FANK1: variants seen among roughly 807,000 people sequenced by gnomAD.
The protein encoded by FANK1 is fibronectin type 3 and ankyrin repeat domains protein 1.
Under a neutral mutation model 45.3 loss-of-function variants are expected in FANK1, and 44 were observed. The ratio of observed to expected loss-of-function variants is 0.97; its 90% CI spans 0.76 to 1.25. The LOEUF (loss-of-function observed/expected upper bound fraction) is 1.25. Ranked by LOEUF, FANK1 falls within the 50% of genes most tolerant of loss-of-function variation. FANK1 has a pLI of 0.00. For synonymous variants in FANK1, 149 were observed against 152.5 expected (o/e 0.98, Z 0.17); for missense variants, 391 against 424.4 (o/e 0.92, Z 0.69).
chr10:125,919,121 T>C (rs1239262621), intron 1 of FANK1, among the ~76,000 whole-genome samples: 2 of 151,458 alleles, frequency 1.3e-5, no homozygotes, highest in Admixed American at 1.3e-4. Context: ...AGCTAACTGC[T>C]AATGCATTGG....
chr10:125,939,478 A>T (rs910969588), intron 1 of FANK1, among the ~76,000 whole-genome samples: 2 of 152,244 alleles, frequency 1.3e-5, no homozygotes, highest in African/African-American at 4.8e-5. Context: ...AAGTGTACAC[A>T]TATCAGAATA....
chr10:125,961,066 A>T (rs1949894230), intron 1 of FANK1, among the ~76,000 whole-genome samples: 1 of 152,204 alleles, frequency 6.6e-6, no homozygotes, highest in Non-Finnish European at 1.5e-5. Flanking sequence ...AGAATAGACC[A>T]CACAGAAAGT....
At position 125,983,692 on chromosome 10, in the gene FANK1, G is replaced by C. The variant is rs1013765225; in HGVS notation, c.191+3354G>C. Among the ~76,000 whole-genome samples, 1 of 152,200 alleles carries C rather than the reference G, an allele frequency of 6.6e-6. No individual in the cohort carries two copies. The highest frequency in any genetic ancestry group is 2.4e-5 in the African/African-American group (1 of 41,438). Reference sequence around the variant, plus strand: ...CTGGTCCCAGGAGCATTGAGGAACAGAGGGAACAAGGAGGAAAATAATGGG... The same window carrying C: ...CTGGTCCCAGGAGCATTGAGGAACACAGGGAACAAGGAGGAAAATAATGGG... On this transcript the variant is annotated intron_variant, in intron 2 of 10. Coordinates refer to ENST00000368693, the MANE Select transcript of FANK1 (RefSeq NM_145235.5). This position sits in a 1 kb window ranked among gnomAD's most constrained non-coding sequence, Gnocchi z 4.3.
At chr10:125,982,399 C>G (rs1368969820) in intron 2 of FANK1, among the ~76,000 whole-genome samples, 2 of 152,240 alleles carry the variant, frequency 1.3e-5, no homozygotes, top group Non-Finnish European at 2.9e-5. Flanking sequence ...ACTCTGACGA[C>G]AGCCTGGCAT....
chr10:125,978,912 C>T (rs1000880379), intron 1 of FANK1, among the ~76,000 whole-genome samples: 4 of 152,214 alleles, frequency 2.6e-5, no homozygotes, highest in Non-Finnish European at 4.4e-5. Context: ...GCCAGAGCTA[C>T]GGCTACTTTT....
At chr10:125,965,415 A>G (rs1402093458) in intron 1 of FANK1, among the ~76,000 whole-genome samples, 1 of 152,202 alleles carries the variant, frequency 6.6e-6, no homozygotes, top group Non-Finnish European at 1.5e-5. Context: ...TGTCTAAAGA[A>G]TATATATATA....
chr10:126,006,167 G>T (rs1393613319), intron 7 of FANK1, among the ~76,000 whole-genome samples: 1 of 152,174 alleles, frequency 6.6e-6, no homozygotes, highest in African/African-American at 2.4e-5. Context: ...CGATGACCTG[G>T]AAAATCAACT....
chr10:125,957,586 A>G (rs1949660998), intron 1 of FANK1, among the ~76,000 whole-genome samples: 1 of 151,824 alleles, frequency 6.6e-6, no homozygotes, highest in Non-Finnish European at 1.5e-5. Flanking sequence ...GTGTGCTGGC[A>G]TGATCTCCAC....
chr10:125,985,913 G>C (rs1272579858), intron 2 of FANK1, among the ~76,000 whole-genome samples: 1 of 152,090 alleles, frequency 6.6e-6, no homozygotes, highest in African/African-American at 2.4e-5. Flanking sequence ...TTACTAGGTG[G>C]CCTCTTTCTC....
intron 1 of FANK1, among the ~76,000 whole-genome samples, chr10:125,915,018 C>CAGTGTGTA (rs1340865356): frequency 6.6e-6 from 1 of 152,136 alleles, no homozygotes; most frequent in African/African-American, 2.4e-5. Flanking sequence ...ACTCCTATTC[C>CAGTGTGTA]TTGAGGCTGG....
intron 6 of FANK1, chr10:126,004,205 A>G (rs1000956131): frequency 6.6e-6 from 1 of 150,872 alleles, no homozygotes; most frequent in Non-Finnish European, 1.5e-5. Flanking sequence ...TTTAAATACC[A>G]ATTTTTAGAG....
At chr10:125,989,334 A>G (rs1410845225) in intron 3 of FANK1, 3 of 1,551,208 alleles carry the variant, frequency 1.9e-6, no homozygotes, top group Admixed American at 2.0e-5. Flanking sequence ...AGTGTTCTCC[A>G]CGGCCCACCC....
intron 1 of FANK1, among the ~76,000 whole-genome samples, chr10:125,912,443 A>AGT (rs60956003): frequency 0.013 from 1,906 of 147,220 alleles, 18 homozygotes; most frequent in Middle Eastern, 0.017. Flanking sequence ...GCACCACCAA[A>AGT]GTGTGTGTGT....
intron 1 of FANK1, among the ~76,000 whole-genome samples, chr10:125,921,682 G>A (rs1236436671): frequency 6.6e-6 from 1 of 152,040 alleles, no homozygotes; most frequent in East Asian, 1.9e-4. Flanking sequence ...AGTTTTGGTA[G>A]TCTGTCTTTC....
At position 125,999,470 on chromosome 10, in the gene FANK1, C is replaced by T. The variant is rs73372516; in HGVS notation, c.539+1985C>T. Among the ~76,000 whole-genome samples the T allele has an allele frequency of 7.4e-3, 1,127 of 152,290 alleles. 14 individuals are homozygous for T. Among genetic ancestry groups the T allele is most frequent in the African/African-American group, 0.023 (967 of 41,562 alleles). ...GTGAAGGTTACTTTCAGCCTTTGAA[C>T]AGTGTATGGCACATGGGAGGCAGGA... On this transcript the variant is annotated intron_variant, in intron 6 of 10. Coordinates refer to ENST00000368693, the MANE Select transcript of FANK1 (RefSeq NM_145235.5).
intron 1 of FANK1, among the ~76,000 whole-genome samples, chr10:125,931,877 T>C (rs1341005866): frequency 1.3e-5 from 2 of 152,188 alleles, no homozygotes; most frequent in African/African-American, 4.8e-5. Flanking sequence ...TTGAGTTGAT[T>C]TTTGTATAAG....
chr10:125,978,962 G>A (rs1489489766), intron 1 of FANK1, among the ~76,000 whole-genome samples: 3 of 152,338 alleles, frequency 2.0e-5, no homozygotes, highest in East Asian at 3.9e-4. Context: ...GGGTCTCCAC[G>A]CGTGCCTGAG....
chr10:126,000,576 A>T (rs1265022703), intron 6 of FANK1, among the ~76,000 whole-genome samples: 1 of 152,190 alleles, frequency 6.6e-6, no homozygotes, highest in East Asian at 1.9e-4. Context: ...TAAATTCCAG[A>T]TGAATTAAGA....
chr10:125,917,011 CCT>C (rs1200834814), intron 1 of FANK1, among the ~76,000 whole-genome samples: 4 of 151,984 alleles, frequency 2.6e-5, no homozygotes, highest in African/African-American at 9.7e-5. Flanking sequence ...CCCTTTTTGT[CCT>C]CTCACAATTT....
Sources: allele counts gnomAD v4.1 joint callset (sites outside exome capture counted in the v4.1 genomes callset), GRCh38; gene constraint gnomAD v4.1.1; non-coding constraint Gnocchi (gnomAD v3.1); transcripts MANE v1.5; gene names NCBI Gene and HGNC (gene_info 2026-07-23, HGNC 2026-07-21).